LGI2: variants seen among roughly 807,000 people sequenced by gnomAD.
The protein encoded by LGI2 is leucine rich repeat LGI family member 2, also known as leucine-rich repeat LGI family member 2.
Under a neutral mutation model 52.0 loss-of-function variants are expected in LGI2, and 30 were observed. That is an observed-to-expected ratio of 0.58 (90% confidence interval 0.43 to 0.78). The LOEUF is 0.78. LGI2 is among the 30% of genes least tolerant of loss of function. The pLI is 0.00. For missense variants in LGI2, 573 were observed against 692.5 expected, an observed-to-expected ratio of 0.83 and a Z score of 1.94; for synonymous variants, 270 against 271.8, an observed-to-expected ratio of 0.99 and a Z score of 0.06.
At chr4:25,022,508 A>G (rs1004521760) in intron 4 of LGI2, among the ~76,000 whole-genome samples, 1 of 152,138 alleles carries the variant, frequency 6.6e-6, no homozygotes, top group Non-Finnish European at 1.5e-5. Context: ...TCTCTAACGC[A>G]TTCCATGCTC....
At chr4:24,992,496 C>T in the LGI2 span, among the ~76,000 whole-genome samples, 1 of 151,768 alleles carries the variant, frequency 6.6e-6, no homozygotes, top group Non-Finnish European at 1.5e-5. Flanking sequence ...GGTAGATTGC[C>T]TGAGGTCAGG....
chr4:25,024,821 G>A lies in LGI2; in HGVS notation c.412C>T (p.Leu138Phe), dbSNP rs1342041433. Reference protein sequence around the residue: ...AFRGLRDLTHLSLANNHIKAL... With the variant: ...AFRGLRDLTHFSLANNHIKAL... The stretch of plus-strand genomic sequence containing the variant: ...TACAATACTTTTCATAGGACTTACA[G>A]GTGAGTCAGGTCACGGAGGCCACGA... Residue 138 changes from leucine to phenylalanine, a missense_variant and splice_region_variant, in exon 4 of 8, where the codon CTT becomes TTT. Physicochemically the swap from Leu to Phe is conservative, Grantham distance 22. Coordinates refer to ENST00000382114, the MANE Select transcript of LGI2 (RefSeq NM_018176.4). 1.9e-6 allele frequency: 3 copies of A among 1,599,978 alleles called. No individual in the cohort carries two copies. Among genetic ancestry groups the A allele is most frequent in the Non-Finnish European group, 1.7e-6 (2 of 1,172,824 alleles).
At position 25,030,684 on chromosome 4, in the gene LGI2, G is replaced by C; in HGVS notation, c.10C>G (p.Arg4Gly). 1 of 1,466,012 alleles carries C rather than the reference G, an allele frequency of 6.8e-7. No individual in the cohort carries two copies. The allele number at this position is 1,466,012 out of a possible 1,614,324, so 90.8% of individuals were successfully genotyped here. A position where few individuals can be genotyped will look rare whatever the true frequency, so the allele number is the denominator to read the frequency against. Residue 4 changes from arginine to glycine, a missense_variant, in exon 1 of 8, where the codon CGG becomes GGG. Coordinates refer to ENST00000382114, the MANE Select transcript of LGI2 (RefSeq NM_018176.4). Reference protein sequence around the residue: MALRRGGCGALGLL... With the variant: MALGRGGCGALGLL... ...CCGAGCGCTCCGCAGCCGCCTCTCC[G>C]CAGCGCCATGCCCGGTCCCCGCTCC...
intron 1 of LGI2, 87 bp downstream of exon 1, chr4:25,030,410 G>T: frequency 1.4e-6 from 2 of 1,422,808 alleles, no homozygotes; most frequent in Non-Finnish European, 9.6e-7. Flanking sequence ...TCAGGGTCGC[G>T]CTGGCCCGGC....
intron 6 of LGI2, among the ~76,000 whole-genome samples, chr4:25,013,821 C>A (rs905204870): frequency 6.6e-6 from 1 of 152,146 alleles, no homozygotes; most frequent in East Asian, 1.9e-4. Flanking sequence ...CCTCCCACCA[C>A]CAAAATAATA....
chr4:25,013,757 T>C (rs948655073), intron 6 of LGI2, among the ~76,000 whole-genome samples: 14 of 152,216 alleles, frequency 9.2e-5, no homozygotes, highest in African/African-American at 3.4e-4. Context: ...ACAATGATAG[T>C]ATTCAGTTGC....
intron 7 of LGI2, among the ~76,000 whole-genome samples, chr4:25,010,883 G>A (rs1372944048): frequency 1.3e-5 from 2 of 152,080 alleles, no homozygotes; most frequent in African/African-American, 4.8e-5. Flanking sequence ...AAGAGTTTGA[G>A]ACCAGCCTGG....
At position 25,030,547 on chromosome 4, in the gene LGI2, G is replaced by A; in HGVS notation, c.147C>T (p.Cys49=). The change falls in exon 1 of 8, where the codon TGC becomes TGT. Residue 49 remains cysteine (C), a synonymous_variant. Transcript: ENST00000382114. The stretch of plus-strand genomic sequence containing the variant: ...TCCTGGGCACCCAGGAAGAGCCCAC[G>A]CAGATGATAGACTCCTTGGTACAGC... ...TCSCTKESII[C]VGSSWVPRIV... 1 of 1,595,960 alleles carries A rather than the reference G, an allele frequency of 6.3e-7. No homozygotes were observed. The highest frequency in any genetic ancestry group is 1.3e-5 in the African/African-American group (1 of 74,892).
intron 5 of LGI2, among the ~76,000 whole-genome samples, chr4:25,018,679 T>C (rs1725850907): frequency 6.6e-6 from 1 of 152,044 alleles, no homozygotes; most frequent in South Asian, 2.1e-4. Context: ...CTGGCCAACA[T>C]GGTGAAACCC....
At chr4:25,023,379 T>C (rs898884120) in intron 4 of LGI2, among the ~76,000 whole-genome samples, 13 of 152,180 alleles carry the variant, frequency 8.5e-5, no homozygotes, top group African/African-American at 3.1e-4. Flanking sequence ...TAAAGGCTTT[T>C]ATAGGAAGAA....
Position 25,004,259 on chromosome 4 carries a change from A to G in LGI2, c.830T>C (p.Ile277Thr). The change falls in exon 8 of 8, where the codon ATC becomes ACC. Residue 277 changes from isoleucine (I) to threonine (T), a missense_variant. By Grantham distance (89) the Ile-to-Thr change is moderately conservative. Coordinates refer to ENST00000382114, the MANE Select transcript of LGI2 (RefSeq NM_018176.4). This position sits in a 1 kb window ranked among gnomAD's most constrained non-coding sequence, Gnocchi z 4.6. The stretch of plus-strand genomic sequence containing the variant: ...GATGAGAATGGCCTTACAGCCCACG[A>G]TGGACTGACCTGTGCTCCAAAATAA... The part of the protein sequence containing the change: ...RSYDNITGQS[I>T]VGCKAILIDD... The G allele has an allele frequency of 6.2e-7, 1 of 1,612,706 alleles. No homozygotes were observed. The highest frequency in any genetic ancestry group is 8.5e-7 in the Non-Finnish European group (1 of 1,179,486).
intron 6 of LGI2, 128 bp downstream of exon 6, chr4:25,017,861 A>C (rs2109417788): frequency 1.2e-6 from 1 of 865,142 alleles, no homozygotes; most frequent in Non-Finnish European, 1.6e-6. Flanking sequence ...AGAATGTTTA[A>C]AATTTCTCTA....
the LGI2 span, among the ~76,000 whole-genome samples, chr4:24,993,580 C>T: frequency 1.3e-5 from 2 of 152,156 alleles, no homozygotes; most frequent in Admixed American, 1.3e-4. Flanking sequence ...TCCTGCCTTG[C>T]CTCCCACCCC....
chr4:25,023,225 A>G (rs1726031638), intron 4 of LGI2, among the ~76,000 whole-genome samples: 1 of 152,208 alleles, frequency 6.6e-6, no homozygotes, highest in African/African-American at 2.4e-5. Context: ...GAGGAAATTG[A>G]TCTTAGACAG....
chr4:24,992,819 C>G, the LGI2 span, among the ~76,000 whole-genome samples: 1 of 152,190 alleles, frequency 6.6e-6, no homozygotes, highest in African/African-American at 2.4e-5. Context: ...ACTGCCACAT[C>G]CACATGCTCT....
chr4:25,020,703 T>C (rs1454321345), intron 4 of LGI2, among the ~76,000 whole-genome samples: 2 of 152,208 alleles, frequency 1.3e-5, no homozygotes, highest in East Asian at 1.9e-4. Context: ...CTGGACATAG[T>C]AGAAAGCTTG....
intron 7 of LGI2, among the ~76,000 whole-genome samples, chr4:25,006,291 G>T (rs968538834): frequency 2.0e-5 from 3 of 151,960 alleles, no homozygotes; most frequent in Non-Finnish European, 4.4e-5. Context: ...CATTCCAGAA[G>T]ACCAACCACT....
At chr4:25,019,283 C>A in intron 4 of LGI2, 45 bp from the exon 5 acceptor site, 1 of 1,279,976 alleles carries the variant, frequency 7.8e-7, no homozygotes, top group South Asian at 1.2e-5. Context: ...TATCTCATGC[C>A]CTGTCACTCT....
chr4:25,024,232 G>C (rs1358129673), intron 4 of LGI2, among the ~76,000 whole-genome samples: 1 of 152,186 alleles, frequency 6.6e-6, no homozygotes, highest in African/African-American at 2.4e-5. Context: ...TTTCCTTCCT[G>C]GCTGGGTGCG....
Sources: gnomAD v4.1 joint callset for allele counts (sites outside exome capture counted in the v4.1 genomes callset) on GRCh38, gnomAD v4.1.1 for gene constraint, Gnocchi (gnomAD v3.1) non-coding constraint, MANE v1.5 for transcripts, NCBI Gene and HGNC (gene_info 2026-07-23, HGNC 2026-07-21) for gene names.